The following SLC22A23 variants were observed in gnomAD, a reference collection of about 807,000 sequenced individuals.
The protein encoded by SLC22A23 is ion transporter protein.
SLC22A23 carries 26 observed loss-of-function variants against 61.0 expected under a neutral mutation model. That is an observed-to-expected ratio of 0.43 (90% confidence interval 0.31 to 0.59). The LOEUF (loss-of-function observed/expected upper bound fraction) is 0.59. Ranked by LOEUF, SLC22A23 falls within the 20% of genes least tolerant of loss-of-function variation. The probability of loss-of-function intolerance (pLI) is 0.11; values close to 1 mark genes in which losing one functional copy is unlikely to be tolerated. For missense variants in SLC22A23, 796 were observed against 934.7 expected, an observed-to-expected ratio of 0.85 and a Z score of 1.94; for synonymous variants, 430 against 413.9, an observed-to-expected ratio of 1.04 and a Z score of -0.47.
rs1044536527 is a variant in SLC22A23 at position 3,283,954 on chromosome 6, T to G, written c.1601A>C (p.Asp534Ala). The change falls in exon 9 of 10, where the codon GAC becomes GCC. Residue 534 changes from aspartate to alanine, a missense_variant. By Grantham distance (126) the Asp-to-Ala change is moderately radical. Transcript: ENST00000406686. ...GATGGAAAACGCGATGGAAAATTTG[T>G]CCTTGACGCTGTCACTCATCCCTGG... Reference protein sequence around the residue: ...PDSGMSDSVKDKFSIAFSIVG... With the variant: ...PDSGMSDSVKAKFSIAFSIVG... The G allele has an allele frequency of 6.8e-6, 11 of 1,606,488 alleles. No homozygotes were observed. The African/African-American group carries it at 1.5e-4, about 21-fold the overall frequency.
rs1279382460 is a variant in SLC22A23 at position 3,441,986 on chromosome 6, C to T, written c.654+13920G>A. On this transcript the variant is annotated intron_variant, in intron 1 of 9. Transcript: ENST00000406686. ...AAGAAGGAGGGCATCACCCAAGTTC[C>T]CAGCCGCACATGCACCATAGCCAAG... Among the ~76,000 whole-genome samples, 5 of 152,176 alleles carry T rather than the reference C, an allele frequency of 3.3e-5. No individual in the cohort carries two copies. In the South Asian group the frequency reaches 8.3e-4, roughly 25 times the overall value.
At position 3,304,506 on chromosome 6, in the gene SLC22A23, G is replaced by A. The variant is rs1197987421; in HGVS notation, c.1083-6288C>T. Among the ~76,000 whole-genome samples the A allele has an allele frequency of 2.0e-5, 3 of 150,918 alleles. No homozygotes were observed. The highest frequency in any genetic ancestry group is 2.1e-4 in the South Asian group (1 of 4,802). On this transcript the variant is annotated intron_variant, in intron 4 of 9. Transcript: ENST00000406686. This position sits in a 1 kb window ranked among gnomAD's most constrained non-coding sequence, Gnocchi z 4.3. ...GGCCTCTTTGGGAGCCCAAGCTTTCGATGGGTCTCCAAATTGTTTTTTTCT... is the reference window on the plus strand; with the variant it reads ...GGCCTCTTTGGGAGCCCAAGCTTTCAATGGGTCTCCAAATTGTTTTTTTCT...
intron 3 of SLC22A23, among the ~76,000 whole-genome samples, chr6:3,381,303 C>T (rs760668381): frequency 1.3e-5 from 2 of 152,104 alleles, no homozygotes; most frequent in African/African-American, 2.4e-5. Context: ...TGCCCATTAA[C>T]CACAGCACTG....
chr6:3,435,436 CCT>C (rs1201975690), intron 1 of SLC22A23, among the ~76,000 whole-genome samples: 2 of 152,104 alleles, frequency 1.3e-5, no homozygotes, highest in Admixed American at 6.5e-5. Context: ...CACTCCCACC[CCT>C]GTTCCCAGCT....
chr6:3,388,890 TGGGGGTTCCCA>T (rs1243795314), intron 3 of SLC22A23, among the ~76,000 whole-genome samples: 1 of 151,940 alleles, frequency 6.6e-6, no homozygotes, highest in Non-Finnish European at 1.5e-5. Context: ...GACAGCAGAA[TGGGGGTTCCCA>T]GGGGCTGTGG....
At position 3,456,435 on chromosome 6, in the gene SLC22A23, G is replaced by GCGCGTCCCCCGAGGGGCGCCGAGGCCGC; in HGVS notation, c.97_124dup (p.Ala42GlyfsTer49). The stretch of plus-strand genomic sequence containing the variant: ...GATCTCCGCGCCGCCGCCGGGGCCC[G>GCGCGTCCCCCGAGGGGCGCCGAGGCCGC]CGCGTCCCCCGAGGGGCGCCGAGGC... On this transcript the variant is annotated frameshift_variant, in exon 1 of 10. Transcript: ENST00000406686. LOFTEE classifies it high-confidence loss of function. This position sits in a 1 kb window ranked among gnomAD's most constrained non-coding sequence, Gnocchi z 7.1. 7.6e-7 allele frequency: 1 copy of GCGCGTCCCCCGAGGGGCGCCGAGGCCGC among 1,315,158 alleles called. No homozygotes were observed. The highest frequency in any genetic ancestry group is 2.2e-5 in the South Asian group (1 of 44,964). The allele number at this position is 1,315,158 out of a possible 1,614,324, so 81.5% of individuals were successfully genotyped here.
chr6:3,397,597 T>C (rs1561951321), intron 3 of SLC22A23, among the ~76,000 whole-genome samples: 3 of 152,252 alleles, frequency 2.0e-5, no homozygotes, highest in Admixed American at 6.5e-5. Flanking sequence ...TATGTACATA[T>C]GTATAACTCA....
chr6:3,278,057 T>C (rs934384920), intron 9 of SLC22A23, among the ~76,000 whole-genome samples: 2 of 152,184 alleles, frequency 1.3e-5, no homozygotes, highest in Non-Finnish European at 2.9e-5. Context: ...CCACTGATGG[T>C]AGCCTCTGAG....
chr6:3,433,903 G>A (rs1318072608), intron 1 of SLC22A23, among the ~76,000 whole-genome samples: 1 of 152,192 alleles, frequency 6.6e-6, no homozygotes, highest in Admixed American at 6.5e-5. Flanking sequence ...TCACTAGGGT[G>A]AAGGAAATAC....
chr6:3,314,784 C>T (rs371663462), intron 4 of SLC22A23, among the ~76,000 whole-genome samples: 8 of 152,168 alleles, frequency 5.3e-5, no homozygotes, highest in East Asian at 1.9e-4. Context: ...GGTTTCTGCA[C>T]GGCCAGCCTC....
rs188454598 is a variant in SLC22A23 at position 3,454,070 on chromosome 6, A to G, written c.654+1836T>C. On this transcript the variant is annotated intron_variant, in intron 1 of 9. Transcript: ENST00000406686. This position sits in a 1 kb window ranked among gnomAD's most constrained non-coding sequence, Gnocchi z 4.3. Reference sequence around the variant, plus strand: ...AGATCTTTTTTGTCTGTGAAAATCAATATGTCCTTTCTAGGCTTTACTGTA... The same window carrying G: ...AGATCTTTTTTGTCTGTGAAAATCAGTATGTCCTTTCTAGGCTTTACTGTA... Among the ~76,000 whole-genome samples, 105 of 152,302 alleles carry G rather than the reference A, an allele frequency of 6.9e-4. No individual in the cohort carries two copies. In the East Asian group the frequency reaches 0.014, roughly 21 times the overall value.
At chr6:3,419,201 A>G (rs894199484) in intron 1 of SLC22A23, among the ~76,000 whole-genome samples, 2 of 152,088 alleles carry the variant, frequency 1.3e-5, no homozygotes, top group Admixed American at 1.3e-4. Context: ...TACCCTAGTC[A>G]CCTCCCTCCC....
At chr6:3,455,875 G>A (rs1277012341) in intron 1 of SLC22A23, 31 bp downstream of exon 1, 1 of 1,475,290 alleles carries the variant, frequency 6.8e-7, no homozygotes, top group South Asian at 1.4e-5. Context: ...CAGGGAGAGG[G>A]TTGGAGGGAC....
chr6:3,453,976 G>C (rs1772273733), intron 1 of SLC22A23, among the ~76,000 whole-genome samples: 1 of 152,192 alleles, frequency 6.6e-6, no homozygotes. Context: ...AAATGTGCTT[G>C]AAAAGCTCTT....
intron 3 of SLC22A23, among the ~76,000 whole-genome samples, chr6:3,396,193 C>T (rs986735150): frequency 1.4e-4 from 22 of 152,192 alleles, no homozygotes; most frequent in African/African-American, 5.3e-4. Flanking sequence ...CTGGCTAGGG[C>T]TCCATCCCCA....
intron 3 of SLC22A23, among the ~76,000 whole-genome samples, chr6:3,326,290 G>A (rs558527113): frequency 6.6e-6 from 1 of 152,320 alleles, no homozygotes; most frequent in Admixed American, 6.5e-5. Flanking sequence ...CTGTAAACAA[G>A]TGGTCGGCGT....
chr6:3,309,776 A>G lies in SLC22A23; in HGVS notation c.1083-11558T>C, dbSNP rs6905597. 0.015 allele frequency among the ~76,000 whole-genome samples: 2,211 copies of G among 152,298 alleles called. 45 individuals are homozygous for G. The highest frequency in any genetic ancestry group is 0.051 in the African/African-American group (2,098 of 41,538). ...GGCTCTCCAATCACTCACCAGGGAC[A>G]GGCAACATTACAAAACGGAACTACA... On this transcript the variant is annotated intron_variant, in intron 4 of 9. Coordinates refer to ENST00000406686, the MANE Select transcript of SLC22A23 (RefSeq NM_015482.2). This position sits in a 1 kb window ranked among gnomAD's most constrained non-coding sequence, Gnocchi z 4.7.
rs778079805 is a variant in SLC22A23, at chr6:3,273,306, A to T, written c.1810T>A (p.Phe604Ile). Residue 604 changes from phenylalanine to isoleucine, a missense_variant, in exon 10 of 10, where the codon TTT (phenylalanine) becomes ATT (isoleucine). Physicochemically the swap from Phe to Ile is conservative, Grantham distance 21 (BLOSUM62 0). Coordinates refer to ENST00000406686, the MANE Select transcript of SLC22A23 (RefSeq NM_015482.2). ...QKGYFLHHII[F>I]ACCTLICIIC... ...ATGCAGATGAGCGTGCAGCAGGCAAAGATGATGTGGTGCAGGAAGTAGCCT... is the reference window on the plus strand; with the variant it reads ...ATGCAGATGAGCGTGCAGCAGGCAATGATGATGTGGTGCAGGAAGTAGCCT... 1 of 1,613,962 alleles carries T rather than the reference A, an allele frequency of 6.2e-7. No individual in the cohort carries two copies. Among genetic ancestry groups the T allele is most frequent in the Non-Finnish European group, 8.5e-7 (1 of 1,179,974 alleles).
chr6:3,409,098 C>T (rs1344788704), intron 3 of SLC22A23, among the ~76,000 whole-genome samples: 4 of 152,236 alleles, frequency 2.6e-5, no homozygotes, highest in Non-Finnish European at 4.4e-5. Context: ...ATCACCCAGG[C>T]CCACTCATCT....
Sources: allele counts gnomAD v4.1 joint callset (sites outside exome capture counted in the v4.1 genomes callset), GRCh38; gene constraint gnomAD v4.1.1; non-coding constraint Gnocchi (gnomAD v3.1); transcripts MANE v1.5; gene names NCBI Gene and HGNC (gene_info 2026-07-23, HGNC 2026-07-21).